The following FHOD3 variants were observed in gnomAD, a reference collection of about 807,000 sequenced individuals.
FHOD3 encodes FH1/FH2 domain-containing protein 3.
Under a neutral mutation model 173.0 loss-of-function variants are expected in FHOD3, and 90 were observed. The observed-to-expected ratio is 0.52, with a 90% CI of 0.44 to 0.62. The LOEUF is 0.62. Among genes scored for constraint, FHOD3 ranks in the 20% least tolerant of loss-of-function variants. The pLI is 0.00. For synonymous variants in FHOD3, 828 were observed against 823.0 expected (o/e 1.01, Z -0.10); for missense variants, 1,945 against 2,034.7 (o/e 0.96, Z 0.85).
chr18:36,399,543 T>C (rs2048707192), intron 3 of FHOD3, among the ~76,000 whole-genome samples: 1 of 152,222 alleles, frequency 6.6e-6, no homozygotes, highest in Admixed American at 6.5e-5. Flanking sequence ...TCCACTCTTA[T>C]CTTGGTGGGT....
intron 13 of FHOD3, among the ~76,000 whole-genome samples, chr18:36,656,137 C>T (rs1401063875): frequency 6.6e-6 from 1 of 152,152 alleles, no homozygotes; most frequent in Non-Finnish European, 1.5e-5. Flanking sequence ...CCTCCTTCCC[C>T]TCCCTCATTG....
At chr18:36,745,423 C>G (rs2042103309) in intron 23 of FHOD3, among the ~76,000 whole-genome samples, 1 of 152,162 alleles carries the variant, frequency 6.6e-6, no homozygotes, top group Non-Finnish European at 1.5e-5. Flanking sequence ...GATGCAATAG[C>G]ATCAGGAAGC....
rs371395457 is a variant in FHOD3, at chr18:36,574,316, C to T, written c.512-2135C>T. Among the ~76,000 whole-genome samples, 14 of 152,204 alleles carry T rather than the reference C, an allele frequency of 9.2e-5. 1 individual carries two copies. Among genetic ancestry groups the T allele is most frequent in the African/African-American group, 3.4e-4 (14 of 41,536 alleles). ...ACCTTTGCCAATTTGAGTGAAAACA[C>T]TACCTTATTATTATTTTAATTTGCA... On this transcript the variant is annotated intron_variant, in intron 5 of 28. Transcript: ENST00000590592.
At chr18:36,511,114 T>C (rs2055614612) in intron 4 of FHOD3, among the ~76,000 whole-genome samples, 1 of 152,238 alleles carries the variant, frequency 6.6e-6, no homozygotes, top group South Asian at 2.1e-4. Flanking sequence ...ATAATAACCT[T>C]TCATTATTCC....
At chr18:36,366,989 C>G (rs1294703514) in intron 2 of FHOD3, among the ~76,000 whole-genome samples, 1 of 152,170 alleles carries the variant, frequency 6.6e-6, no homozygotes, top group Non-Finnish European at 1.5e-5. Context: ...TGTCTCTATA[C>G]CACTCAATTA....
At chr18:36,715,873 T>C (rs1240052948) in intron 18 of FHOD3, among the ~76,000 whole-genome samples, 1 of 152,232 alleles carries the variant, frequency 6.6e-6, no homozygotes, top group Non-Finnish European at 1.5e-5. Context: ...AATTGTGTGA[T>C]TAACTAGGTG....
At chr18:36,528,167 G>A (rs939639747) in intron 5 of FHOD3, among the ~76,000 whole-genome samples, 14 of 152,182 alleles carry the variant, frequency 9.2e-5, no homozygotes, top group Admixed American at 4.6e-4. Context: ...TCCTGAAGGT[G>A]TAGGGGGAGA....
At chr18:36,710,635 A>C (rs113219177) in intron 18 of FHOD3, 1 of 152,196 alleles carries the variant, frequency 6.6e-6, no homozygotes, top group Non-Finnish European at 1.5e-5. Flanking sequence ...CAAGAAGATA[A>C]AAGACTTTAT....
chr18:36,583,848 C>T lies in FHOD3; in HGVS notation c.606+7303C>T, dbSNP rs575635097. Among the ~76,000 whole-genome samples, 161 of 151,824 alleles carry T rather than the reference C, an allele frequency of 1.1e-3. 1 individual carries two copies. The highest frequency in any genetic ancestry group is 1.8e-3 in the Non-Finnish European group (120 of 67,936). ...TATTACTATTATTATTATTTTGAGACGGAGTCTCACTCTGTCACCCAGGCT... is the reference window on the plus strand; with the variant it reads ...TATTACTATTATTATTATTTTGAGATGGAGTCTCACTCTGTCACCCAGGCT... On this transcript the variant is annotated intron_variant, in intron 6 of 28. Coordinates refer to ENST00000590592, the MANE Select transcript of FHOD3 (RefSeq NM_001281740.3).
chr18:36,575,871 C>T (rs17674337), intron 5 of FHOD3, among the ~76,000 whole-genome samples: 6,437 of 152,218 alleles, frequency 0.042, 341 homozygotes, highest in East Asian at 0.15. Flanking sequence ...TGGTATGTGA[C>T]GAATGTGTGA....
intron 16 of FHOD3, among the ~76,000 whole-genome samples, chr18:36,689,687 G>A (rs1451123824): frequency 6.6e-6 from 1 of 152,162 alleles, no homozygotes; most frequent in African/African-American, 2.4e-5. Flanking sequence ...GGCTGGGGGT[G>A]TGTTGTGGGG....
At chr18:36,533,297 C>T (rs939491545) in intron 5 of FHOD3, among the ~76,000 whole-genome samples, 3 of 152,178 alleles carry the variant, frequency 2.0e-5, no homozygotes, top group Non-Finnish European at 2.9e-5. Flanking sequence ...TTGGATGCAT[C>T]GCGGCTTGTA....
At chr18:36,771,438 C>T (rs1321349999) in intron 28 of FHOD3, among the ~76,000 whole-genome samples, 1 of 152,196 alleles carries the variant, frequency 6.6e-6, no homozygotes, top group Non-Finnish European at 1.5e-5. Context: ...TTTCCCTTCA[C>T]TCTGAGGAGG....
intron 2 of FHOD3, among the ~76,000 whole-genome samples, chr18:36,359,789 A>G (rs775412810): frequency 4.4e-4 from 67 of 152,200 alleles, no homozygotes; most frequent in Non-Finnish European, 9.0e-4. Context: ...ATTGGGGGCA[A>G]TATTATCATA....
chr18:36,345,204 G>T (rs991836924), intron 1 of FHOD3, among the ~76,000 whole-genome samples: 13 of 128,782 alleles, frequency 1.0e-4, no homozygotes, highest in African/African-American at 4.6e-4. Context: ...ATCATACAGA[G>T]TATGTTTTTT....
intron 4 of FHOD3, among the ~76,000 whole-genome samples, chr18:36,506,996 T>C (rs2055340771): frequency 6.6e-6 from 1 of 152,184 alleles, no homozygotes; most frequent in Admixed American, 6.6e-5. Context: ...AACACAACAT[T>C]GTAGGGGGAG....
intron 5 of FHOD3, among the ~76,000 whole-genome samples, chr18:36,548,787 C>G (rs2057520828): frequency 6.6e-6 from 1 of 152,232 alleles, no homozygotes. Context: ...GGGTAGCTTT[C>G]CATCATCTGG....
At chr18:36,600,838 C>G (rs1234270629) in intron 7 of FHOD3, among the ~76,000 whole-genome samples, 1 of 152,196 alleles carries the variant, frequency 6.6e-6, no homozygotes, top group Admixed American at 6.5e-5. Context: ...CCATTAGCAC[C>G]ACTAGAAAGT....
chr18:36,700,235 T>C (rs542350570), intron 17 of FHOD3, among the ~76,000 whole-genome samples: 1 of 152,216 alleles, frequency 6.6e-6, no homozygotes, highest in South Asian at 2.1e-4. Flanking sequence ...ACTGCCAGCC[T>C]TGGCCTCCCT....
Sources: allele counts gnomAD v4.1 joint callset (sites outside exome capture counted in the v4.1 genomes callset), GRCh38; gene constraint gnomAD v4.1.1; transcripts MANE v1.5; gene names NCBI Gene and HGNC (gene_info 2026-07-23, HGNC 2026-07-21).